ARHGAP20: variants seen among roughly 807,000 people sequenced by gnomAD.
ARHGAP20 encodes the protein Rho GTPase activating protein 20, also known as rho GTPase-activating protein 20.
In ARHGAP20, 34 loss-of-function variants were observed where a neutral mutation model predicts 73.7. That is an observed-to-expected ratio of 0.46 (90% CI 0.35 to 0.61). The LOEUF (loss-of-function observed/expected upper bound fraction) is 0.61. Among genes scored for constraint, ARHGAP20 ranks in the 20% least tolerant of loss-of-function variants. ARHGAP20 has a pLI of 0.00. For synonymous variants in ARHGAP20, 523 were observed against 518.2 expected (o/e 1.01, Z -0.13); for missense variants, 1,314 against 1,420.9 (o/e 0.92, Z 1.21).
intron 2 of ARHGAP20, among the ~76,000 whole-genome samples, chr11:110,653,929 G>A (rs996397247): frequency 1.3e-5 from 2 of 152,008 alleles, no homozygotes; most frequent in Non-Finnish European, 2.9e-5. Context: ...CATGGATGGA[G>A]CTGGGTGCAA....
intron 9 of ARHGAP20, among the ~76,000 whole-genome samples, chr11:110,600,410 A>T (rs1168267664): frequency 6.6e-6 from 1 of 152,212 alleles, no homozygotes; most frequent in African/African-American, 2.4e-5. Flanking sequence ...ACAGACAGCC[A>T]GCACCCATGC....
chr11:110,627,399 T>C (rs1285405294), intron 3 of ARHGAP20, among the ~76,000 whole-genome samples: 3 of 152,118 alleles, frequency 2.0e-5, no homozygotes, highest in African/African-American at 7.2e-5. Context: ...GGCCAAATTC[T>C]TTATTTTGAC....
intron 1 of ARHGAP20, among the ~76,000 whole-genome samples, chr11:110,707,937 T>A (rs1950579278): frequency 6.6e-6 from 1 of 151,670 alleles, no homozygotes; most frequent in African/African-American, 2.4e-5. Flanking sequence ...GCTCTTTAGA[T>A]TTAAATTCAA....
intron 2 of ARHGAP20, among the ~76,000 whole-genome samples, chr11:110,644,159 G>A (rs901520108): frequency 7.2e-5 from 11 of 152,092 alleles, no homozygotes; most frequent in South Asian, 6.2e-4. Context: ...CTAAGATGAC[G>A]TAAATAAATG....
Position 110,586,293 on chromosome 11 carries a change from A to G in ARHGAP20, c.1338T>C (p.Phe446=). 1 of 1,577,634 alleles carries G rather than the reference A, an allele frequency of 6.3e-7. No individual in the cohort carries two copies. The highest frequency in any genetic ancestry group is 8.6e-7 in the Non-Finnish European group (1 of 1,162,618). ...DFLRNIPGSI[F]SSDLYDHWVS... Reference sequence around the variant, plus strand: ...CCCAGTGATCATAGAGATCTGATGAAAAAATACTTCCTGGAATATTTCGCA... The same window carrying G: ...CCCAGTGATCATAGAGATCTGATGAGAAAATACTTCCTGGAATATTTCGCA... Residue 446 remains phenylalanine, a synonymous_variant, in exon 12 of 15, where the codon TTT becomes TTC. Transcript: ENST00000683387.
rs377766566 is a variant in ARHGAP20, at chr11:110,605,007, G to C, written c.964+1554C>G. ...TAAGGTTGGTCATTAATGATACCAA[G>C]TAGTCTTGATGCTATATGATTTCTT... On this transcript the variant is annotated intron_variant, in intron 9 of 14. Transcript: ENST00000683387. Among the ~76,000 whole-genome samples, 5 of 152,302 alleles carry C rather than the reference G, an allele frequency of 3.3e-5. 1 individual carries two copies. Among genetic ancestry groups the C allele is most frequent in the African/African-American group, 1.2e-4 (5 of 41,576 alleles).
intron 13 of ARHGAP20, 115 bp from the exon 14 acceptor site, chr11:110,582,550 A>G (rs1415967430): frequency 1.8e-5 from 12 of 652,702 alleles, no homozygotes; most frequent in Non-Finnish European, 3.2e-5. Flanking sequence ...AGAAAAATTC[A>G]TATCGGCTTT....
chr11:110,608,205 T>C (rs903752400), intron 8 of ARHGAP20, among the ~76,000 whole-genome samples: 3 of 152,166 alleles, frequency 2.0e-5, no homozygotes, highest in African/African-American at 7.2e-5. Flanking sequence ...GTAGTAAGCA[T>C]TTAAAATTGT....
chr11:110,594,446 G>A lies in ARHGAP20; in HGVS notation c.965-2291C>T, dbSNP rs541957400. Among the ~76,000 whole-genome samples the A allele has an allele frequency of 3.9e-5, 6 of 152,270 alleles. No homozygotes were observed. In the South Asian group the frequency reaches 1.2e-3, roughly 32 times the overall value. ...TCTATAAAAGTAGTACTTTGTCACA[G>A]TGATCTTGATGAATGCTGTCAAGAT... On this transcript the variant is annotated intron_variant, in intron 9 of 14. Coordinates refer to ENST00000683387, the MANE Select transcript of ARHGAP20 (RefSeq NM_001384657.1).
At position 110,581,192 on chromosome 11, in the gene ARHGAP20, T is replaced by TAGG; in HGVS notation, c.1751_1753dup (p.Ser584dup). 2 of 1,612,830 alleles carry TAGG rather than the reference T, an allele frequency of 1.2e-6. No individual in the cohort carries two copies. Among genetic ancestry groups the TAGG allele is most frequent in the Non-Finnish European group, 1.7e-6 (2 of 1,179,276 alleles). On this transcript the variant is annotated inframe_insertion, in exon 15 of 15. Coordinates refer to ENST00000683387, the MANE Select transcript of ARHGAP20 (RefSeq NM_001384657.1). Reference sequence around the variant, plus strand: ...ATTTAGCTCATTTTCCAAGCTGTCATAGGAGGAGTCATTCAGTTGAAAGCA... The same window carrying TAGG: ...ATTTAGCTCATTTTCCAAGCTGTCATAGGAGGAGGAGTCATTCAGTTGAAAGCA...
rs1339922666 is a variant in ARHGAP20, at chr11:110,712,435, T to C, written c.-204A>G. On this transcript the variant is annotated 5_prime_UTR_variant, in exon 1 of 15. Coordinates refer to ENST00000683387, the MANE Select transcript of ARHGAP20 (RefSeq NM_001384657.1). ...CTCGACACCGCGGGCTGGAGGCGAGTGCAGCGGCGACAGCCCGTCAGCGCC... is the reference window on the plus strand; with the variant it reads ...CTCGACACCGCGGGCTGGAGGCGAGCGCAGCGGCGACAGCCCGTCAGCGCC... 2 of 248,630 alleles carry C rather than the reference T, an allele frequency of 8.0e-6. No homozygotes were observed. Among genetic ancestry groups the C allele is most frequent in the African/African-American group, 2.3e-5 (1 of 43,674 alleles). The allele number at this position is 248,630 out of a possible 1,614,324, so 15.4% of individuals were successfully genotyped here.
chr11:110,634,219 AT>A (rs1948916367), intron 2 of ARHGAP20, among the ~76,000 whole-genome samples: 2 of 152,162 alleles, frequency 1.3e-5, no homozygotes, highest in Admixed American at 1.3e-4. Context: ...CAGAACTCAA[AT>A]GTCTGGAATT....
intron 2 of ARHGAP20, among the ~76,000 whole-genome samples, chr11:110,684,927 TG>T (rs1014204132): frequency 1.3e-5 from 2 of 151,960 alleles, no homozygotes; most frequent in African/African-American, 2.4e-5. Context: ...GAGAGGGAAG[TG>T]GGGGGCAAGT....
chr11:110,608,403 C>T (rs1948284546), intron 8 of ARHGAP20, among the ~76,000 whole-genome samples: 1 of 152,198 alleles, frequency 6.6e-6, no homozygotes, highest in South Asian at 2.1e-4. Context: ...TTCCTCATGA[C>T]AAATGCTGGA....
At chr11:110,625,028 T>TTATTTA (rs758965280) in intron 3 of ARHGAP20, among the ~76,000 whole-genome samples, 1 of 114,190 alleles carries the variant, frequency 8.8e-6, no homozygotes, top group East Asian at 2.1e-4. Context: ...TTATTTTTAT[T>TTATTTA]TTTATTTTTT....
intron 2 of ARHGAP20, among the ~76,000 whole-genome samples, chr11:110,655,270 T>G (rs1402977875): frequency 6.6e-6 from 1 of 152,090 alleles, no homozygotes. Flanking sequence ...AACAGAAAAT[T>G]TTAAACTATG....
At chr11:110,653,680 T>G (rs1949406947) in intron 2 of ARHGAP20, among the ~76,000 whole-genome samples, 1 of 152,140 alleles carries the variant, frequency 6.6e-6, no homozygotes, top group African/African-American at 2.4e-5. Flanking sequence ...CTCAAACACC[T>G]AGAACCAGAA....
At chr11:110,652,014 G>A (rs1447923723) in intron 2 of ARHGAP20, among the ~76,000 whole-genome samples, 1 of 152,116 alleles carries the variant, frequency 6.6e-6, no homozygotes, top group East Asian at 1.9e-4. Flanking sequence ...ATTGAATCCA[G>A]CAGCACATCA....
At chr11:110,652,520 A>T (rs1018111371) in intron 2 of ARHGAP20, among the ~76,000 whole-genome samples, 2 of 152,184 alleles carry the variant, frequency 1.3e-5, no homozygotes, top group Admixed American at 1.3e-4. Flanking sequence ...TTAGGCTGAT[A>T]AGCAACTTCA....
Sources: allele counts gnomAD v4.1 joint callset (sites outside exome capture counted in the v4.1 genomes callset), GRCh38; gene constraint gnomAD v4.1.1; transcripts MANE v1.5; gene names NCBI Gene and HGNC (gene_info 2026-07-23, HGNC 2026-07-21).